Variants in WDR19 observed in about 807,000 individuals in gnomAD.
WDR19 encodes the protein WD repeat domain 19.
In WDR19, 121 loss-of-function variants were observed where a neutral mutation model predicts 180.0. The ratio of observed to expected loss-of-function variants is 0.67; its 90% CI spans 0.58 to 0.78. The LOEUF (loss-of-function observed/expected upper bound fraction) is 0.78. Ranked by LOEUF, WDR19 falls within the 30% of genes least tolerant of loss-of-function variation. The pLI, the probability that WDR19 is intolerant of heterozygous loss-of-function variation, is 0.00. For synonymous variants in WDR19, 497 were observed against 540.7 expected (o/e 0.92, Z 1.12); for missense variants, 1,450 against 1,640.7 (o/e 0.88, Z 2.01).
chr4:39,246,317 G>A (rs1005725524), intron 24 of WDR19, among the ~76,000 whole-genome samples: 2 of 152,128 alleles, frequency 1.3e-5, no homozygotes, highest in African/African-American at 4.8e-5. Flanking sequence ...GACAGCCTGG[G>A]CAACATAGAG....
intron 35 of WDR19, 95 bp downstream of exon 35, chr4:39,278,302 T>C: frequency 8.1e-7 from 1 of 1,227,594 alleles, no homozygotes; most frequent in Non-Finnish European, 1.1e-6. Flanking sequence ...TCTATTTGTG[T>C]TCCTAAGGAT....
chr4:39,248,076 G>GA (rs1732727938), intron 24 of WDR19, among the ~76,000 whole-genome samples: 1 of 152,138 alleles, frequency 6.6e-6, no homozygotes, highest in South Asian at 2.1e-4. Flanking sequence ...TGAAATGAAG[G>GA]AAAAAATGTT....
intron 36 of WDR19, among the ~76,000 whole-genome samples, chr4:39,283,781 G>T (rs1392793106): frequency 6.6e-6 from 1 of 151,962 alleles, no homozygotes; most frequent in South Asian, 2.1e-4. Flanking sequence ...TTTCCATATG[G>T]TATTATTTCC....
At chr4:39,261,288 G>A (rs1472339492) in intron 28 of WDR19, among the ~76,000 whole-genome samples, 4 of 152,068 alleles carry the variant, frequency 2.6e-5, no homozygotes, top group South Asian at 2.1e-4. Context: ...CACCGCGCCC[G>A]GCCTGGTCTC....
chr4:39,260,902 C>T (rs1332281946), intron 28 of WDR19, among the ~76,000 whole-genome samples: 1 of 152,180 alleles, frequency 6.6e-6, no homozygotes, highest in Non-Finnish European at 1.5e-5. Context: ...TGCTCCATTT[C>T]CAAGTATCAT....
Position 39,266,135 on chromosome 4 carries a change from C to A in WDR19, c.3256C>A (p.Pro1086Thr). 2 of 1,561,482 alleles carry A rather than the reference C, an allele frequency of 1.3e-6. No individual in the cohort carries two copies. The highest frequency in any genetic ancestry group is 2.4e-5 in the South Asian group (2 of 84,206). The part of the protein sequence containing the change: ...DHLLGENDGM[P>T]KDAKYLFRLY... ...TCTCCTGGGGGAGAACGATGGCATG[C>A]CTAAGGTACTGAACACGTGGGCTTC... The change falls in exon 29 of 37, where the codon CCT becomes ACT. Residue 1086 changes from proline to threonine, a missense_variant. Transcript: ENST00000399820.
chr4:39,186,723 A>T, intron 3 of WDR19, 119 bp downstream of exon 3: 1 of 692,766 alleles, frequency 1.4e-6, no homozygotes, highest in Non-Finnish European at 2.3e-6. Flanking sequence ...TTGCAAAGGG[A>T]TTTGTTTTTT....
At chr4:39,253,342 G>A in intron 25 of WDR19, 50 bp downstream of exon 25, 1 of 1,531,992 alleles carries the variant, frequency 6.5e-7, no homozygotes, top group Non-Finnish European at 8.8e-7. Context: ...AACCATAAAA[G>A]TAAGCCTCTG....
chr4:39,249,479 A>G (rs533356917), intron 24 of WDR19, among the ~76,000 whole-genome samples: 343 of 152,356 alleles, frequency 2.3e-3, no homozygotes, highest in African/African-American at 7.6e-3. Flanking sequence ...GCAGAAGGCA[A>G]GAAATAACTA....
intron 28 of WDR19, among the ~76,000 whole-genome samples, chr4:39,259,551 C>T (rs902593932): frequency 1.9e-4 from 29 of 152,318 alleles, no homozygotes; most frequent in African/African-American, 6.7e-4. Flanking sequence ...GTTTTCAAGG[C>T]TCTTCCATGT....
chr4:39,202,820 C>T (rs534336072), intron 6 of WDR19, among the ~76,000 whole-genome samples: 1 of 151,206 alleles, frequency 6.6e-6, no homozygotes, highest in Non-Finnish European at 1.5e-5. Context: ...TTTATATCTG[C>T]TAACTCCTTC....
intron 36 of WDR19, among the ~76,000 whole-genome samples, chr4:39,280,683 A>C (rs2381373): frequency 0.5 from 76,450 of 151,534 alleles, 20,656 homozygotes; most frequent in African/African-American, 0.71. Flanking sequence ...TAAAGTAGAC[A>C]CAGTGGCATG....
At chr4:39,184,373 G>T (rs919275810) in intron 1 of WDR19, among the ~76,000 whole-genome samples, 15 of 151,658 alleles carry the variant, frequency 9.9e-5, no homozygotes, top group African/African-American at 3.6e-4. Context: ...TCGCCCCACT[G>T]CACTCCAGAG....
At chr4:39,186,215 C>A (rs981585289) in intron 2 of WDR19, among the ~76,000 whole-genome samples, 2 of 152,108 alleles carry the variant, frequency 1.3e-5, no homozygotes, top group African/African-American at 4.8e-5. Flanking sequence ...TGCAGTGGCT[C>A]ATGCCAATAA....
intron 20 of WDR19, among the ~76,000 whole-genome samples, chr4:39,235,277 C>T (rs1300332038): frequency 6.6e-6 from 1 of 152,044 alleles, no homozygotes; most frequent in Non-Finnish European, 1.5e-5. Flanking sequence ...TAGGCATGCA[C>T]CACAAGGCCT....
chr4:39,204,151 TCTCAGCTCACCGCAA>T (rs1727674383), intron 7 of WDR19, among the ~76,000 whole-genome samples: 1 of 151,898 alleles, frequency 6.6e-6, no homozygotes. Context: ...AGTGGTGCAA[TCTCAGCTCACCGCAA>T]CCTCCACCTC....
intron 8 of WDR19, 98 bp downstream of exon 8, chr4:39,205,364 T>C (rs1560490356): frequency 2.4e-6 from 3 of 1,258,826 alleles, no homozygotes; most frequent in Admixed American, 2.2e-5. Context: ...TTTGTAACAT[T>C]CAATTCTATA....
At chr4:39,228,138 A>G (rs1020260682) in intron 15 of WDR19, 72 bp from the exon 16 acceptor site, 18 of 1,552,326 alleles carry the variant, frequency 1.2e-5, no homozygotes, top group Non-Finnish European at 1.5e-5. Context: ...GGCTGCAAAC[A>G]GGCTTCTACC....
chr4:39,246,394 G>A (rs1732524238), intron 24 of WDR19, among the ~76,000 whole-genome samples: 1 of 152,132 alleles, frequency 6.6e-6, no homozygotes, highest in Non-Finnish European at 1.5e-5. Context: ...TGGCCGAATA[G>A]GAACAGCTCC....
Sources: gnomAD v4.1 joint callset for allele counts (sites outside exome capture counted in the v4.1 genomes callset) on GRCh38, gnomAD v4.1.1 for gene constraint, MANE v1.5 for transcripts, NCBI Gene and HGNC (gene_info 2026-07-23, HGNC 2026-07-21) for gene names.